Variants in KIAA1755 observed in about 807,000 individuals in gnomAD.
KIAA1755 encodes KIAA1755, also known as uncharacterized protein KIAA1755.
In KIAA1755, 68 loss-of-function variants were observed where a neutral mutation model predicts 91.7. That is an observed-to-expected ratio of 0.74 (90% CI 0.61 to 0.91). The LOEUF is 0.91. Ranked by LOEUF, KIAA1755 falls within the 40% of genes least tolerant of loss-of-function variation. The probability of loss-of-function intolerance (pLI) is 0.00; values close to 1 mark genes in which losing one functional copy is unlikely to be tolerated. For missense variants in KIAA1755, 1,535 were observed against 1,494.4 expected (o/e 1.03, Z -0.45); for synonymous variants, 610 against 604.6 (o/e 1.01, Z -0.13).
At chr20:38,219,553 C>T (rs150069956) in intron 11 of KIAA1755, 77 bp downstream of exon 11, 16,535 of 1,566,584 alleles carry the variant, frequency 0.011, 96 homozygotes, top group Non-Finnish European at 0.012. Context: ...TGACTAGGGA[C>T]GGGCCCAGAG....
At chr20:38,255,557 C>T (rs2076327084) in intron 1 of KIAA1755, among the ~76,000 whole-genome samples, 1 of 152,226 alleles carries the variant, frequency 6.6e-6, no homozygotes, top group South Asian at 2.1e-4. Flanking sequence ...TTTCCAGTCT[C>T]AATGACCTGG....
chr20:38,245,958 G>A lies in KIAA1755; in HGVS notation c.172C>T (p.Leu58=). ...LLDFLIPAKR[L]CEQVREAACA... is the part of the protein sequence containing the mutation. Reference sequence around the variant, plus strand: ...GCTGCTTCTCGCACTTGCTCACACAGGCGCTTGGCAGGGATCAGGAAATCC... The same window carrying A: ...GCTGCTTCTCGCACTTGCTCACACAAGCGCTTGGCAGGGATCAGGAAATCC... Residue 58 remains leucine (L), a synonymous_variant, in exon 2 of 14, where the codon CTG becomes TTG. Coordinates refer to ENST00000279024, the MANE Select transcript of KIAA1755 (RefSeq NM_001029864.2). 1.2e-6 allele frequency: 2 copies of A among 1,614,184 alleles called. No individual in the cohort carries two copies. The highest frequency in any genetic ancestry group is 1.7e-6 in the Non-Finnish European group (2 of 1,180,042).
chr20:38,219,775 G>A lies in KIAA1755; in HGVS notation c.2418-7C>T, dbSNP rs761459598. On this transcript the variant is annotated splice_polypyrimidine_tract_variant and splice_region_variant and intron_variant, in intron 10 of 13. Coordinates refer to ENST00000279024, the MANE Select transcript of KIAA1755 (RefSeq NM_001029864.2). Reference sequence around the variant, plus strand: ...GGCTGCAGCCAGATGGCTCCTGGGAGGTGGGCGGAGGTGAGAAAAGGCCTC... The same window carrying A: ...GGCTGCAGCCAGATGGCTCCTGGGAAGTGGGCGGAGGTGAGAAAAGGCCTC... The A allele has an allele frequency of 6.2e-6, 10 of 1,613,998 alleles. No homozygotes were observed. In the South Asian group the frequency reaches 6.6e-5, roughly 11 times the overall value.
rs1442915821 is a variant in KIAA1755 at position 38,241,797 on chromosome 20, G to T, written c.334C>A (p.Gln112Lys). ...QGDFYLQVEPQEEQSVCIMIK... is the reference protein window; with the variant it reads ...QGDFYLQVEPKEEQSVCIMIK... ...ATGATGCAGACAGACTGCTCCTCCT[G>T]GGGCTCCACTTGGAGGTAGAAGTCA... The change falls in exon 3 of 14, where the codon CAG becomes AAG. Residue 112 changes from glutamine to lysine, a missense_variant. Coordinates refer to ENST00000279024, the MANE Select transcript of KIAA1755 (RefSeq NM_001029864.2). 1 of 1,614,174 alleles carries T rather than the reference G, an allele frequency of 6.2e-7. No homozygotes were observed. The highest frequency in any genetic ancestry group is 2.2e-5 in the East Asian group (1 of 44,886).
In KIAA1755 at chr20:38,212,388, T is replaced by A. The variant is rs534877391; in HGVS notation, c.*654A>T. On this transcript the variant is annotated 3_prime_UTR_variant, in exon 14 of 14. Transcript: ENST00000279024. ...CAAGAGGATCACTTGAGCCCAGGAG[T>A]TTGAGACCAGCCTGGGCAATGTAGT... 6.6e-6 allele frequency: 1 copy of A among 151,984 alleles called. No homozygotes were observed. Among genetic ancestry groups the A allele is most frequent in the South Asian group, 2.1e-4 (1 of 4,816 alleles). 9.4% of individuals were successfully genotyped at this position (151,984 alleles called of 1,614,324 possible). A position where few individuals can be genotyped will look rare whatever the true frequency, so the allele number is the denominator to read the frequency against.
At chr20:38,217,830 TCCCCGC>T (rs1045121175) in intron 12 of KIAA1755, 14 of 425,728 alleles carry the variant, frequency 3.3e-5, no homozygotes, top group African/African-American at 2.6e-4. Context: ...TCCCTGTTTG[TCCCCGC>T]CCCCGCCCCC....
chr20:38,232,245 C>T (rs1367156364), intron 4 of KIAA1755, among the ~76,000 whole-genome samples: 1 of 152,210 alleles, frequency 6.6e-6, no homozygotes, highest in Non-Finnish European at 1.5e-5. Flanking sequence ...AACCTAACCA[C>T]CTTCACAAGT....
chr20:38,241,557 G>T lies in KIAA1755; in HGVS notation c.574C>A (p.Gln192Lys), dbSNP rs2123240167. ...TSPEFVDDRPQVVNALCQAWG... is the reference protein window; with the variant it reads ...TSPEFVDDRPKVVNALCQAWG... ...GCTTGGCAGAGGGCATTCACTACTT[G>T]GGGTCTGTCATCCACAAACTCTGGG... The change falls in exon 3 of 14, where the codon CAA (glutamine) becomes AAA (lysine). Residue 192 changes from glutamine to lysine, a missense_variant. By Grantham distance (53) the Gln-to-Lys change is moderately conservative. Transcript: ENST00000279024. 6.2e-7 allele frequency: 1 copy of T among 1,614,218 alleles called. No individual in the cohort carries two copies. Among genetic ancestry groups the T allele is most frequent in the Middle Eastern group, 1.6e-4 (1 of 6,062 alleles).
At chr20:38,258,614 T>G (rs1283668267) in intron 1 of KIAA1755, among the ~76,000 whole-genome samples, 3 of 152,086 alleles carry the variant, frequency 2.0e-5, no homozygotes, top group Non-Finnish European at 2.9e-5. Context: ...GACATTTGGG[T>G]GAAGATTTAC....
chr20:38,229,867 A>G (rs2123148246), intron 5 of KIAA1755, among the ~76,000 whole-genome samples: 1 of 152,176 alleles, frequency 6.6e-6, no homozygotes, highest in East Asian at 1.9e-4. Context: ...ACTTTCCACC[A>G]CAGAAAAAGG....
rs1009127202 is a variant in KIAA1755, at chr20:38,242,000, C to A, written c.202-71G>T. 9 of 1,472,270 alleles carry A rather than the reference C, an allele frequency of 6.1e-6. No individual in the cohort carries two copies. The East Asian group carries it at 1.6e-4, about 26-fold the overall frequency. 91.2% of individuals were successfully genotyped at this position (1,472,270 alleles called of 1,614,324 possible). ...CTCCACCCTTGGATTTGCTCCTTTC[C>A]CTCTCCCACGTGGAATCTGGAACAG... On this transcript the variant is annotated intron_variant, in intron 2 of 13. Transcript: ENST00000279024.
intron 1 of KIAA1755, 116 bp downstream of exon 1, chr20:38,260,382 G>A (rs1308021073): frequency 6.2e-7 from 1 of 1,602,214 alleles, no homozygotes; most frequent in South Asian, 1.1e-5. Flanking sequence ...CCAAGGCACT[G>A]AGGGTCGTCT....
Position 38,219,546 on chromosome 20 carries a change from C to T in KIAA1755, c.2556+84G>A. 5 of 1,553,832 alleles carry T rather than the reference C, an allele frequency of 3.2e-6. No homozygotes were observed. In the South Asian group the frequency reaches 3.6e-5, roughly 11 times the overall value. On this transcript the variant is annotated intron_variant, in intron 11 of 13. Coordinates refer to ENST00000279024, the MANE Select transcript of KIAA1755 (RefSeq NM_001029864.2). ...CCTTTCTCCAGAACAAAGCACCTGA[C>T]TAGGGACGGGCCCAGAGTCGGGGCT...
rs145321793 is a variant in KIAA1755 at position 38,220,019 on chromosome 20, G to A, written c.2418-251C>T. On this transcript the variant is annotated intron_variant, in intron 10 of 13. Coordinates refer to ENST00000279024, the MANE Select transcript of KIAA1755 (RefSeq NM_001029864.2). ...TCCCTAGAAGGGAATGAAGCTGGCC[G>A]GACAGATCTGGGTTCAAAGCCCAGC... 1.7e-3 allele frequency among the ~76,000 whole-genome samples: 253 copies of A among 152,312 alleles called. 1 individual carries two copies. The highest frequency in any genetic ancestry group is 5.7e-3 in the African/African-American group (238 of 41,572).
intron 6 of KIAA1755, 131 bp from the exon 7 acceptor site, chr20:38,227,371 G>T: frequency 1.7e-6 from 1 of 587,014 alleles, no homozygotes; most frequent in Non-Finnish European, 3.0e-6. Context: ...GTCCCTCCAT[G>T]ACTGGAATCT....
chr20:38,215,903 C>T (rs2075535683), intron 13 of KIAA1755, among the ~76,000 whole-genome samples: 1 of 152,164 alleles, frequency 6.6e-6, no homozygotes, highest in Admixed American at 6.5e-5. Flanking sequence ...TGAAATCTGT[C>T]ATTAGCTGGT....
rs1441882058 is a variant in KIAA1755, at chr20:38,241,118, G to T, written c.1013C>A (p.Thr338Lys). The T allele has an allele frequency of 3.1e-6, 5 of 1,613,958 alleles. No individual in the cohort carries two copies. The highest frequency in any genetic ancestry group is 2.2e-5 in the East Asian group (1 of 44,890). ...CCTCTCCTCAGAGCTTTCTGGCTTT[G>T]TGCAAGCCCGATTTCCCAAGGAAGG... ...EGPSLGNRAC[T>K]KPESSEERPY... Residue 338 changes from threonine (T) to lysine (K), a missense_variant, in exon 3 of 14, where the codon ACA becomes AAA. Thr to Lys is a moderately conservative substitution (Grantham distance 78). Coordinates refer to ENST00000279024, the MANE Select transcript of KIAA1755 (RefSeq NM_001029864.2).
intron 4 of KIAA1755, chr20:38,236,667 TG>T (rs1210893814): frequency 6.6e-6 from 1 of 152,276 alleles, no homozygotes; most frequent in Non-Finnish European, 1.5e-5. Flanking sequence ...TGATGAGGAC[TG>T]AGAATCGACC....
At chr20:38,243,332 T>A (rs1375589973) in intron 2 of KIAA1755, among the ~76,000 whole-genome samples, 1 of 152,246 alleles carries the variant, frequency 6.6e-6, no homozygotes, top group African/African-American at 2.4e-5. Flanking sequence ...TAGATTGGGC[T>A]GCCTCAGAGA....
Sources: gnomAD v4.1 joint callset for allele counts (sites outside exome capture counted in the v4.1 genomes callset) on GRCh38, gnomAD v4.1.1 for gene constraint, MANE v1.5 for transcripts, NCBI Gene and HGNC (gene_info 2026-07-23, HGNC 2026-07-21) for gene names.